PTPRN2: variants seen among roughly 807,000 people sequenced by gnomAD.
PTPRN2 encodes the protein receptor-type tyrosine-protein phosphatase N2.
A neutral mutation model predicts 118.8 loss-of-function variants in PTPRN2; 74 were observed. The observed-to-expected ratio is 0.62, with a 90% CI of 0.52 to 0.76. The LOEUF (loss-of-function observed/expected upper bound fraction) is 0.76, where lower values mean the gene tolerates loss of function less well. Ranked by LOEUF, PTPRN2 falls within the 30% of genes least tolerant of loss-of-function variation. The probability of loss-of-function intolerance (pLI) is 0.00; values close to 1 mark genes in which losing one functional copy is unlikely to be tolerated. For synonymous variants in PTPRN2, 641 were observed against 608.0 expected (o/e 1.05, Z -0.80); for missense variants, 1,481 against 1,394.4 (o/e 1.06, Z -0.99).
chr7:158,133,645 C>T (rs1375588526), intron 9 of PTPRN2, 32 bp downstream of exon 9: 8 of 1,530,070 alleles, frequency 5.2e-6, no homozygotes, highest in Non-Finnish European at 7.0e-6. Flanking sequence ...CCTCCCTCGG[C>T]ACACAGGAGC....
intron 3 of PTPRN2, among the ~76,000 whole-genome samples, chr7:158,267,269 G>T (rs1229598093): frequency 2.0e-5 from 3 of 152,210 alleles, no homozygotes; most frequent in Admixed American, 6.5e-5. Flanking sequence ...ATGGGTGCTG[G>T]GTGCTGGAGT....
chr7:157,891,008 C>T (rs943097640), intron 12 of PTPRN2, among the ~76,000 whole-genome samples: 4 of 152,180 alleles, frequency 2.6e-5, no homozygotes, highest in African/African-American at 9.6e-5. Context: ...CACCTCCCCA[C>T]CTCCTTACTC....
chr7:158,375,587 G>A (rs905202928), intron 2 of PTPRN2, among the ~76,000 whole-genome samples: 1 of 152,208 alleles, frequency 6.6e-6, no homozygotes, highest in African/African-American at 2.4e-5. Context: ...CAAAGGCCCC[G>A]CCCTCAAGCC....
rs1413788832 is a variant in PTPRN2 at position 157,764,781 on chromosome 7, A to G, written c.1789-81844T>C. 6.6e-6 allele frequency among the ~76,000 whole-genome samples: 1 copy of G among 152,170 alleles called. No individual in the cohort carries two copies. The highest frequency in any genetic ancestry group is 1.5e-5 in the Non-Finnish European group (1 of 68,030). ...GAGTGAGAGACTGCGTGCCTGGCAT[A>G]CAGCAGGGGACAGGAGCCGATTGTC... On this transcript the variant is annotated intron_variant, in intron 12 of 22. Transcript: ENST00000389418. This position sits in a 1 kb window ranked among gnomAD's most constrained non-coding sequence, Gnocchi z 4.5.
At chr7:157,954,710 G>T (rs1300757947) in intron 11 of PTPRN2, among the ~76,000 whole-genome samples, 1 of 152,112 alleles carries the variant, frequency 6.6e-6, no homozygotes, top group Non-Finnish European at 1.5e-5. Flanking sequence ...CCTCCCTGCC[G>T]AGCCCCAGAA....
At chr7:158,309,144 G>A (rs1275386742) in intron 3 of PTPRN2, among the ~76,000 whole-genome samples, 3 of 151,994 alleles carry the variant, frequency 2.0e-5, no homozygotes, top group African/African-American at 4.8e-5. Flanking sequence ...TTAATATTGA[G>A]TGTCAACCTG....
intron 14 of PTPRN2, among the ~76,000 whole-genome samples, chr7:157,634,388 T>C (rs1804169016): frequency 6.6e-6 from 1 of 152,230 alleles, no homozygotes; most frequent in African/African-American, 2.4e-5. Flanking sequence ...AATGGCACTA[T>C]TCAGCTTTCG....
In PTPRN2 at chr7:158,357,078, C is replaced by T. The variant is rs540071395; in HGVS notation, c.164-40146G>A. On this transcript the variant is annotated intron_variant, in intron 2 of 22. Coordinates refer to ENST00000389418, the MANE Select transcript of PTPRN2 (RefSeq NM_002847.5). ...CCAATGGCAGGAACATCTCCAATTCCGAAATTCCATGGTCCTGTGCAAACA... is the reference window on the plus strand; with the variant it reads ...CCAATGGCAGGAACATCTCCAATTCTGAAATTCCATGGTCCTGTGCAAACA... Among the ~76,000 whole-genome samples, 8 of 152,320 alleles carry T rather than the reference C, an allele frequency of 5.3e-5. No homozygotes were observed. The South Asian group carries it at 6.2e-4, about 12-fold the overall frequency.
chr7:158,156,968 G>A (rs1821877834), intron 6 of PTPRN2, among the ~76,000 whole-genome samples: 2 of 151,774 alleles, frequency 1.3e-5, no homozygotes, highest in South Asian at 4.2e-4. Flanking sequence ...ATGTGGCTCT[G>A]GAAGGCCTCC....
chr7:158,204,750 A>G (rs1237914021), intron 4 of PTPRN2, among the ~76,000 whole-genome samples: 2 of 152,242 alleles, frequency 1.3e-5, no homozygotes, highest in African/African-American at 4.8e-5. Flanking sequence ...TGAGTACAAA[A>G]TAAGATAATA....
intron 5 of PTPRN2, among the ~76,000 whole-genome samples, chr7:158,190,834 G>C (rs1235134231): frequency 6.6e-6 from 1 of 152,264 alleles, no homozygotes; most frequent in Non-Finnish European, 1.5e-5. Context: ...ACTGGCTTCT[G>C]CATTCAAACG....
At chr7:157,766,326 ATCCT>A (rs887543615) in intron 12 of PTPRN2, among the ~76,000 whole-genome samples, 16 of 143,202 alleles carry the variant, frequency 1.1e-4, no homozygotes, top group Middle Eastern at 3.6e-3. Context: ...CCACCCATCC[ATCCT>A]TCCTTCATCC....
intron 10 of PTPRN2, among the ~76,000 whole-genome samples, chr7:158,097,396 CA>C (rs1161825903): frequency 1.5e-4 from 23 of 152,346 alleles, no homozygotes; most frequent in Non-Finnish European, 3.4e-4. Context: ...CCGTATTCAT[CA>C]ATCCAGTAAA....
chr7:158,156,013 G>A (rs1821787406), intron 6 of PTPRN2, among the ~76,000 whole-genome samples: 1 of 152,148 alleles, frequency 6.6e-6, no homozygotes, highest in Non-Finnish European at 1.5e-5. Flanking sequence ...CCAGCATGTT[G>A]TCTATTTTCA....
At position 157,610,065 on chromosome 7, in the gene PTPRN2, C is replaced by G. The variant is rs899002591; in HGVS notation, c.2345-5990G>C. ...GTCTTGCTACACAGATCCCTGAGGA[C>G]GGCATTCCCCCAGGCCTCCTGGCTT... On this transcript the variant is annotated intron_variant, in intron 15 of 22. Transcript: ENST00000389418. This position sits in a 1 kb window ranked among gnomAD's most constrained non-coding sequence, Gnocchi z 5.1. 2.6e-5 allele frequency among the ~76,000 whole-genome samples: 4 copies of G among 152,238 alleles called. No homozygotes were observed. Among genetic ancestry groups the G allele is most frequent in the African/African-American group, 7.2e-5 (3 of 41,458 alleles).
intron 5 of PTPRN2, among the ~76,000 whole-genome samples, chr7:158,176,370 G>A (rs958784545): frequency 1.3e-5 from 2 of 152,124 alleles, no homozygotes; most frequent in South Asian, 4.1e-4. Flanking sequence ...TCAATGACTC[G>A]ATGGTACAGA....
chr7:157,703,663 G>T, intron 12 of PTPRN2, among the ~76,000 whole-genome samples: 1 of 152,174 alleles, frequency 6.6e-6, no homozygotes, highest in Non-Finnish European at 1.5e-5. Flanking sequence ...CCTGCAGGAG[G>T]TGAAAGGCAA....
At chr7:158,005,656 G>T (rs1805586053) in intron 11 of PTPRN2, among the ~76,000 whole-genome samples, 1 of 152,204 alleles carries the variant, frequency 6.6e-6, no homozygotes, top group Admixed American at 6.5e-5. Context: ...AGGGCAGGAA[G>T]CATCTGCGGT....
intron 12 of PTPRN2, among the ~76,000 whole-genome samples, chr7:157,693,080 G>A (rs1474150385): frequency 6.6e-6 from 1 of 151,900 alleles, no homozygotes; most frequent in Non-Finnish European, 1.5e-5. Flanking sequence ...GCGCTGGGGG[G>A]CGGGGGGCCG....
Sources: gnomAD v4.1 joint callset for allele counts (sites outside exome capture counted in the v4.1 genomes callset) on GRCh38, gnomAD v4.1.1 for gene constraint, Gnocchi (gnomAD v3.1) non-coding constraint, MANE v1.5 for transcripts, NCBI Gene and HGNC (gene_info 2026-07-23, HGNC 2026-07-21) for gene names.